IREB2: variants seen among roughly 807,000 people sequenced by gnomAD.
IREB2 encodes the protein iron responsive element binding protein 2.
Under a neutral mutation model 118.8 loss-of-function variants are expected in IREB2, and 39 were observed. The ratio of observed to expected loss-of-function variants is 0.33; its 90% CI spans 0.25 to 0.43. IREB2 has a LOEUF of 0.43. Among genes scored for constraint, IREB2 ranks in the 20% least tolerant of loss-of-function variants. The pLI, the probability that IREB2 is intolerant of heterozygous loss-of-function variation, is 1.00. For synonymous variants in IREB2, 372 were observed against 392.2 expected, an observed-to-expected ratio of 0.95 and a Z score of 0.61; for missense variants, 900 against 1,147.3, an observed-to-expected ratio of 0.78 and a Z score of 3.11.
chr15:78,491,391 A>G (rs2051747969), intron 18 of IREB2, among the ~76,000 whole-genome samples: 1 of 152,220 alleles, frequency 6.6e-6, no homozygotes, highest in African/African-American at 2.4e-5. Context: ...TGTTAAAAGC[A>G]GGATTTGTAG....
rs1164678957 is a variant in IREB2, at chr15:78,498,280, A to C, written c.*137A>C. The C allele has an allele frequency of 1.9e-6, 1 of 534,734 alleles. No homozygotes were observed. Among genetic ancestry groups the C allele is most frequent in the Admixed American group, 3.6e-5 (1 of 27,520 alleles). 33.1% of individuals were successfully genotyped at this position (534,734 alleles called of 1,614,324 possible). A position where few individuals can be genotyped will look rare whatever the true frequency, so the allele number is the denominator to read the frequency against. On this transcript the variant is annotated 3_prime_UTR_variant, in exon 22 of 22. Transcript: ENST00000258886. ...CATCCATGGATGTAAATGATGATGA[A>C]TCAACATAGTAACTGAAATGAAATC...
At chr15:78,439,187 T>G (rs993316014) in intron 1 of IREB2, among the ~76,000 whole-genome samples, 1 of 152,220 alleles carries the variant, frequency 6.6e-6, no homozygotes, top group African/African-American at 2.4e-5. Flanking sequence ...ACCAGAAGAC[T>G]TGTCTCTTTC....
At chr15:78,442,386 A>G (rs572720223) in intron 2 of IREB2, among the ~76,000 whole-genome samples, 4 of 152,344 alleles carry the variant, frequency 2.6e-5, no homozygotes, top group Admixed American at 2.6e-4. Context: ...ATCAGATTGA[A>G]TTGCCTCCTA....
At chr15:78,494,755 TAGAG>T (rs2051811977) in intron 20 of IREB2, among the ~76,000 whole-genome samples, 1 of 152,184 alleles carries the variant, frequency 6.6e-6, no homozygotes, top group Non-Finnish European at 1.5e-5. Context: ...GTATTGTTTG[TAGAG>T]ATCGGATCTC....
intron 2 of IREB2, among the ~76,000 whole-genome samples, chr15:78,451,450 AT>A (rs1399264715): frequency 6.6e-6 from 1 of 152,158 alleles, no homozygotes; most frequent in Non-Finnish European, 1.5e-5. Flanking sequence ...GAAATATTGT[AT>A]AAATATATTT....
chr15:78,450,266 C>T (rs985097220), intron 2 of IREB2, among the ~76,000 whole-genome samples: 6 of 152,144 alleles, frequency 3.9e-5, no homozygotes, highest in Non-Finnish European at 2.9e-5. Flanking sequence ...ATAGAAACCA[C>T]ATAATAGGTT....
chr15:78,459,770 T>G lies in IREB2; in HGVS notation c.107-3152T>G, dbSNP rs564818487. Among the ~76,000 whole-genome samples the G allele has an allele frequency of 6.0e-4, 92 of 152,330 alleles. No individual in the cohort carries two copies. The South Asian group carries it at 0.017, about 28-fold the overall frequency. On this transcript the variant is annotated intron_variant, in intron 2 of 21. Coordinates refer to ENST00000258886, the MANE Select transcript of IREB2 (RefSeq NM_004136.4). ...TAGGGCCAACACAGTATTTGGTTGT[T>G]ACGTCTTTTAAGTTTCTTGTAATCT...
chr15:78,498,359 G>T lies in IREB2; in HGVS notation c.*216G>T. The T allele has an allele frequency of 3.2e-6, 1 of 312,496 alleles. No individual in the cohort carries two copies. The allele number at this position is 312,496 out of a possible 1,614,324, so 19.4% of individuals were successfully genotyped here. A position where few individuals can be genotyped will look rare whatever the true frequency, so the allele number is the denominator to read the frequency against. ...TGCTATTAATATTGCTAAAATCAAC[G>T]TGTGAAGTGTGTTGTGGAAGAGACC... On this transcript the variant is annotated 3_prime_UTR_variant, in exon 22 of 22. Transcript: ENST00000258886.
chr15:78,493,981 T>C lies in IREB2; in HGVS notation c.2397T>C (p.Phe799=), dbSNP rs2051797322. The C allele has an allele frequency of 6.2e-7, 1 of 1,614,116 alleles. No individual in the cohort carries two copies. The highest frequency in any genetic ancestry group is 1.1e-5 in the South Asian group (1 of 91,084). Reference sequence around the variant, plus strand: ...ATGCTGTAATGACAAGAGGCACTTTTGCAAATATCAAGCTTTTTAATAAGT... The same window carrying C: ...ATGCTGTAATGACAAGAGGCACTTTCGCAAATATCAAGCTTTTTAATAAGT... ...GNDAVMTRGT[F]ANIKLFNKFI... The change falls in exon 19 of 22, where the codon TTT becomes TTC. Residue 799 remains phenylalanine (F), a synonymous_variant. Coordinates refer to ENST00000258886, the MANE Select transcript of IREB2 (RefSeq NM_004136.4).
chr15:78,440,775 A>G (rs2050832954), intron 2 of IREB2, among the ~76,000 whole-genome samples: 3 of 152,140 alleles, frequency 2.0e-5, no homozygotes, highest in Admixed American at 1.3e-4. Context: ...AGTATTGGGC[A>G]TGGTTTGCCC....
At chr15:78,441,906 T>A (rs1192846431) in intron 2 of IREB2, among the ~76,000 whole-genome samples, 1 of 152,116 alleles carries the variant, frequency 6.6e-6, no homozygotes, top group Non-Finnish European at 1.5e-5. Context: ...TTATTTTATT[T>A]TATTTTACTT....
At chr15:78,444,913 T>A (rs2050903142) in intron 2 of IREB2, among the ~76,000 whole-genome samples, 1 of 152,182 alleles carries the variant, frequency 6.6e-6, no homozygotes, top group Admixed American at 6.5e-5. Flanking sequence ...TGCACAATAT[T>A]GCCTGTATGA....
chr15:78,470,483 A>G (rs757651817), intron 5 of IREB2, 49 bp from the exon 6 acceptor site: 14 of 1,181,522 alleles, frequency 1.2e-5, no homozygotes, highest in Non-Finnish European at 1.7e-5. Flanking sequence ...AAACAAGGCA[A>G]GTCTTTTTTG....
At chr15:78,466,032 A>G (rs978586295) in intron 4 of IREB2, among the ~76,000 whole-genome samples, 5 of 152,184 alleles carry the variant, frequency 3.3e-5, no homozygotes, top group African/African-American at 1.2e-4. Context: ...AGTATTTGAA[A>G]GTGATTTTAC....
intron 2 of IREB2, among the ~76,000 whole-genome samples, chr15:78,455,422 T>C (rs193028922): frequency 6.6e-6 from 1 of 152,224 alleles, no homozygotes; most frequent in East Asian, 1.9e-4. Context: ...GGACGTAGAA[T>C]TAATATTGTT....
intron 2 of IREB2, among the ~76,000 whole-genome samples, chr15:78,453,437 A>G (rs920352584): frequency 2.0e-5 from 3 of 152,324 alleles, no homozygotes; most frequent in Admixed American, 2.0e-4. Flanking sequence ...ATTTGAAGGA[A>G]GCAGTACTTT....
At chr15:78,466,512 G>T in intron 5 of IREB2, 23 bp downstream of exon 5, 3 of 1,459,014 alleles carry the variant, frequency 2.1e-6, no homozygotes, top group Non-Finnish European at 2.9e-6. Flanking sequence ...TTTTCTTAAA[G>T]TTTATTAATA....
chr15:78,448,687 C>G (rs747988194), intron 2 of IREB2, among the ~76,000 whole-genome samples: 12 of 152,156 alleles, frequency 7.9e-5, no homozygotes, highest in Non-Finnish European at 1.6e-4. Context: ...TATCTTTTCT[C>G]CAGGCCCCTA....
chr15:78,494,698 C>T (rs1026619140), intron 20 of IREB2, among the ~76,000 whole-genome samples: 1 of 152,144 alleles, frequency 6.6e-6, no homozygotes, highest in African/African-American at 2.4e-5. Flanking sequence ...CTCAGCCTCC[C>T]AAGTAGCTGG....
Sources: allele counts gnomAD v4.1 joint callset (sites outside exome capture counted in the v4.1 genomes callset), GRCh38; gene constraint gnomAD v4.1.1; transcripts MANE v1.5; gene names NCBI Gene and HGNC (gene_info 2026-07-23, HGNC 2026-07-21).